The following IPO8 variants were observed in gnomAD, a reference collection of about 807,000 sequenced individuals.
IPO8 encodes importin-8.
Under a neutral mutation model 141.2 loss-of-function variants are expected in IPO8, and 65 were observed. The observed-to-expected ratio is 0.46, with a 90% confidence interval of 0.38 to 0.57. The LOEUF is 0.57. Ranked by LOEUF, IPO8 falls within the 20% of genes least tolerant of loss-of-function variation. The pLI, the probability that IPO8 is intolerant of heterozygous loss-of-function variation, is 0.00. For synonymous variants in IPO8, 411 were observed against 420.3 expected (o/e 0.98, Z 0.27); for missense variants, 980 against 1,246.8 (o/e 0.79, Z 3.22).
intron 19 of IPO8, among the ~76,000 whole-genome samples, chr12:30,650,811 A>G (rs1429626308): frequency 1.3e-5 from 2 of 152,078 alleles, no homozygotes; most frequent in African/African-American, 4.8e-5. Flanking sequence ...TCTGGCTCCA[A>G]CACATAGTAG....
chr12:30,637,207 A>C lies in IPO8; in HGVS notation c.2490-20T>G. 6.3e-7 allele frequency: 1 copy of C among 1,583,328 alleles called. No individual in the cohort carries two copies. The highest frequency in any genetic ancestry group is 8.7e-7 in the Non-Finnish European group (1 of 1,154,162). ...TGATGCCTGCAAATTTTGAAGAAAAAAAAAATGTAGACATGAGAAGTGGAA... is the reference window on the plus strand; with the variant it reads ...TGATGCCTGCAAATTTTGAAGAAAACAAAAATGTAGACATGAGAAGTGGAA... On this transcript the variant is annotated intron_variant, in intron 21 of 24. Coordinates refer to ENST00000256079, the MANE Select transcript of IPO8 (RefSeq NM_006390.4).
intron 2 of IPO8, among the ~76,000 whole-genome samples, chr12:30,685,023 C>T (rs532045091): frequency 3.2e-4 from 48 of 152,154 alleles, no homozygotes; most frequent in Non-Finnish European, 6.6e-4. Context: ...TATCAAAATA[C>T]ATAATCTGAT....
Position 30,665,807 on chromosome 12 carries a change from C to G in IPO8, c.1260G>C (p.Leu420=), listed in dbSNP as rs2052955991. Residue 420 remains leucine (L), a synonymous_variant, in exon 12 of 25, where the codon CTG becomes CTC. Transcript: ENST00000256079. ...TCCTAGGGTCAAAGTTCGGGTCTGT[C>G]AGGATTTGATAACAGAATGCCATCA... The part of the protein sequence containing the change: ...PKMMAFCYQI[L]TDPNFDPRKK... 1.2e-6 allele frequency: 2 copies of G among 1,613,662 alleles called. No homozygotes were observed.
intron 5 of IPO8, among the ~76,000 whole-genome samples, chr12:30,679,353 TCTGTCGTC>T (rs1280406332): frequency 2.6e-5 from 4 of 152,210 alleles, no homozygotes; most frequent in Non-Finnish European, 5.9e-5. Context: ...ATATGAAGAT[TCTGTCGTC>T]TTAGCAAACC....
chr12:30,644,714 C>T (rs958693097), intron 20 of IPO8, among the ~76,000 whole-genome samples: 13 of 148,872 alleles, frequency 8.7e-5, no homozygotes, highest in African/African-American at 2.5e-4. Context: ...AGTGCAATGG[C>T]GCAATCTTGG....
At chr12:30,634,018 A>C (rs1355168145) in intron 23 of IPO8, 65 bp downstream of exon 23, 1 of 1,439,678 alleles carries the variant, frequency 6.9e-7, no homozygotes, top group African/African-American at 1.4e-5. Flanking sequence ...ATATCAAAAC[A>C]GGAAGAAATG....
In IPO8 at chr12:30,634,296, CATTA is replaced by C. The variant is rs769668465; in HGVS notation, c.2696-14_2696-11del. 6.2e-6 allele frequency: 10 copies of C among 1,603,262 alleles called. No homozygotes were observed. The highest frequency in any genetic ancestry group is 1.7e-4 in the Middle Eastern group (1 of 6,034). ...TCACTTGAAATCTCCTCTGTGAACC[CATTA>C]ATTATTTAAAAGGAATCAAAACACA... is the stretch of plus-strand genomic sequence containing the variant. On this transcript the variant is annotated splice_polypyrimidine_tract_variant and intron_variant, in intron 22 of 24. Coordinates refer to ENST00000256079, the MANE Select transcript of IPO8 (RefSeq NM_006390.4).
chr12:30,638,137 G>A (rs774147261), intron 21 of IPO8, among the ~76,000 whole-genome samples: 6 of 152,064 alleles, frequency 3.9e-5, no homozygotes, highest in Non-Finnish European at 7.4e-5. Flanking sequence ...ATCCAAGGAA[G>A]CACAACCCAA....
Position 30,662,431 on chromosome 12 carries a change from C to G in IPO8, c.1651G>C (p.Val551Leu). ...ACATCATCATTTTCTGTCTCTCTAA[C>G]AATGTGCAACAGTTCCTGCATAATA... ...RPIMQELLHI[V>L]RETENDDVTN... The change falls in exon 15 of 25, where the codon GTT becomes CTT. Residue 551 changes from valine to leucine, a missense_variant. By Grantham distance (32) the Val-to-Leu change is conservative. Transcript: ENST00000256079. 1 of 1,613,040 alleles carries G rather than the reference C, an allele frequency of 6.2e-7. No individual in the cohort carries two copies. The highest frequency in any genetic ancestry group is 1.7e-5 in the Admixed American group (1 of 60,020).
At chr12:30,680,352 A>G in intron 5 of IPO8, 130 bp downstream of exon 5, 1 of 648,390 alleles carries the variant, frequency 1.5e-6, no homozygotes, top group South Asian at 3.0e-5. Flanking sequence ...GTTCCTCATA[A>G]GCATTTTTTA....
rs769908594 is a variant in IPO8 at position 30,674,631 on chromosome 12, A to G, written c.824+28T>C. ...CTGATACTGAGATACTGGCTGTATG[A>G]TCATCAATGTAATAAACAGATAATT... On this transcript the variant is annotated intron_variant, in intron 7 of 24. Transcript: ENST00000256079. 9 of 1,462,960 alleles carry G rather than the reference A, an allele frequency of 6.2e-6. No individual in the cohort carries two copies. In the Admixed American group the frequency reaches 1.5e-4, roughly 24 times the overall value. The allele number at this position is 1,462,960 out of a possible 1,614,324, so 90.6% of individuals were successfully genotyped here. A position where few individuals can be genotyped will look rare whatever the true frequency, so the allele number is the denominator to read the frequency against.
rs189706335 is a variant in IPO8 at position 30,652,318 on chromosome 12, C to T, written c.2075-29G>A. The T allele has an allele frequency of 5.3e-5, 66 of 1,244,172 alleles. 1 individual carries two copies. In the African/African-American group the frequency reaches 8.4e-4, roughly 16 times the overall value. 77.1% of individuals were successfully genotyped at this position (1,244,172 alleles called of 1,614,324 possible). A position where few individuals can be genotyped will look rare whatever the true frequency, so the allele number is the denominator to read the frequency against. On this transcript the variant is annotated intron_variant, in intron 18 of 24. Coordinates refer to ENST00000256079, the MANE Select transcript of IPO8 (RefSeq NM_006390.4). ...AAAAAAAATCAAAATCCCAATGAGA[C>T]TTGAGTGACAGAAATAGAAATAAAT...
intron 1 of IPO8, among the ~76,000 whole-genome samples, chr12:30,691,769 A>C (rs920039701): frequency 6.6e-6 from 1 of 152,222 alleles, no homozygotes; most frequent in African/African-American, 2.4e-5. Flanking sequence ...CACATCTATG[A>C]AGGTAAGTGT....
chr12:30,672,754 T>C (rs977345040), intron 8 of IPO8, among the ~76,000 whole-genome samples: 1 of 152,140 alleles, frequency 6.6e-6, no homozygotes, highest in African/African-American at 2.4e-5. Flanking sequence ...ATTCACTAAT[T>C]TTCCCTATAG....
intron 8 of IPO8, 84 bp from the exon 9 acceptor site, chr12:30,671,180 T>A: frequency 1.2e-6 from 1 of 807,966 alleles, no homozygotes; most frequent in Non-Finnish European, 2.0e-6. Flanking sequence ...TGACCTAAAA[T>A]TCAGAATCCA....
At chr12:30,677,388 A>G (rs554409238) in intron 5 of IPO8, 1 of 337,636 alleles carries the variant, frequency 3.0e-6, no homozygotes, top group African/African-American at 2.1e-5. Flanking sequence ...AGCTGTATAA[A>G]GTATAGCAAT....
At chr12:30,659,237 C>T (rs2052847384) in intron 16 of IPO8, among the ~76,000 whole-genome samples, 1 of 152,028 alleles carries the variant, frequency 6.6e-6, no homozygotes, top group Non-Finnish European at 1.5e-5. Context: ...TGCCTATAAT[C>T]CCAGCACTTT....
intron 22 of IPO8, among the ~76,000 whole-genome samples, chr12:30,636,107 T>G (rs1211271850): frequency 1.3e-5 from 2 of 152,030 alleles, no homozygotes; most frequent in African/African-American, 4.8e-5. Context: ...AAAAACAAAT[T>G]AGAAGCTGTA....
intron 1 of IPO8, among the ~76,000 whole-genome samples, chr12:30,694,088 C>T (rs1265960404): frequency 2.0e-5 from 3 of 152,132 alleles, no homozygotes; most frequent in Non-Finnish European, 2.9e-5. Context: ...ATCAAAGGAA[C>T]ACCTGGCCTC....
Sources: gnomAD v4.1 joint callset for allele counts (sites outside exome capture counted in the v4.1 genomes callset) on GRCh38, gnomAD v4.1.1 for gene constraint, MANE v1.5 for transcripts, NCBI Gene and HGNC (gene_info 2026-07-23, HGNC 2026-07-21) for gene names.